Variants in DTWD2 observed in about 807,000 individuals in gnomAD.
The protein encoded by DTWD2 is DTW motif tRNA-uridine aminocarboxypropyltransferase 2.
DTWD2 carries 39 observed loss-of-function variants against 31.8 expected under a neutral mutation model. That is an observed-to-expected ratio of 1.22 (90% CI 0.95 to 1.60). The LOEUF (loss-of-function observed/expected upper bound fraction) is 1.60, where lower values mean the gene tolerates loss of function less well. DTWD2 is among the 40% of genes most tolerant of loss of function. DTWD2 has a pLI of 0.00. For synonymous variants in DTWD2, 180 were observed against 142.8 expected, an observed-to-expected ratio of 1.26 and a Z score of -1.86; for missense variants, 515 against 381.5, an observed-to-expected ratio of 1.35 and a Z score of -2.92.
intron 1 of DTWD2, among the ~76,000 whole-genome samples, chr5:118,978,964 T>A (rs1479251166): frequency 6.7e-6 from 1 of 149,660 alleles, no homozygotes; most frequent in Non-Finnish European, 1.5e-5. Flanking sequence ...CAAGATCACA[T>A]CACTGCGCTC....
chr5:118,976,454 A>G (rs1361167646), intron 1 of DTWD2, among the ~76,000 whole-genome samples: 4 of 151,848 alleles, frequency 2.6e-5, no homozygotes, highest in African/African-American at 9.7e-5. Flanking sequence ...CAGACTAATA[A>G]AGAAGAAAAA....
At chr5:118,973,566 C>G (rs140765388) in intron 1 of DTWD2, among the ~76,000 whole-genome samples, 3 of 152,150 alleles carry the variant, frequency 2.0e-5, no homozygotes, top group Non-Finnish European at 2.9e-5. Context: ...TTTATTCCCA[C>G]TGGCTGCTCT....
intron 2 of DTWD2, among the ~76,000 whole-genome samples, chr5:118,943,773 G>C (rs1754263853): frequency 6.6e-6 from 1 of 152,090 alleles, no homozygotes; most frequent in South Asian, 2.1e-4. Context: ...TCATTTGAAA[G>C]AAAGAAAAGA....
intron 4 of DTWD2, among the ~76,000 whole-genome samples, chr5:118,895,257 T>C (rs972595801): frequency 6.6e-6 from 1 of 152,148 alleles, no homozygotes; most frequent in East Asian, 1.9e-4. Context: ...CAATGCCATT[T>C]ATAATAGCTA....
intron 4 of DTWD2, among the ~76,000 whole-genome samples, chr5:118,906,436 A>G (rs892544935): frequency 3.3e-5 from 5 of 152,196 alleles, no homozygotes; most frequent in Non-Finnish European, 4.4e-5. Flanking sequence ...CCAAAAACAG[A>G]AAACAACCCA....
intron 1 of DTWD2, among the ~76,000 whole-genome samples, chr5:118,970,370 T>C (rs971405431): frequency 2.6e-5 from 4 of 152,084 alleles, no homozygotes; most frequent in Non-Finnish European, 4.4e-5. Flanking sequence ...GAGATTGCAG[T>C]GAACCAAGAT....
At chr5:118,957,230 T>C (rs1022269354) in intron 1 of DTWD2, among the ~76,000 whole-genome samples, 5 of 152,054 alleles carry the variant, frequency 3.3e-5, no homozygotes, top group Admixed American at 1.3e-4. Flanking sequence ...GTTGTGATTT[T>C]TTTTTTTCTG....
intron 4 of DTWD2, among the ~76,000 whole-genome samples, chr5:118,896,845 G>T (rs980432504): frequency 6.6e-6 from 1 of 152,168 alleles, no homozygotes; most frequent in African/African-American, 2.4e-5. Context: ...GGACCCAGCT[G>T]AGTACAACCT....
At chr5:118,916,795 CAT>C (rs1753589122) in intron 4 of DTWD2, among the ~76,000 whole-genome samples, 1 of 152,018 alleles carries the variant, frequency 6.6e-6, no homozygotes, top group African/African-American at 2.4e-5. Flanking sequence ...CAATTTTAGT[CAT>C]AGTTATTACT....
In DTWD2 at chr5:118,880,580, A is replaced by C. The variant is rs200337808; in HGVS notation, c.598-32362T>G. Among the ~76,000 whole-genome samples the C allele has an allele frequency of 3.0e-4, 46 of 152,284 alleles. 1 individual carries two copies. The East Asian group carries it at 8.7e-3, about 29-fold the overall frequency. On this transcript the variant is annotated intron_variant, in intron 4 of 5. Transcript: ENST00000510708. ...GTTGGGCTATGGCATCTCTACAAAC[A>C]CATACCACTGGAAAATATATACTAA... is the stretch of plus-strand genomic sequence containing the variant.
chr5:118,846,842 T>C lies in DTWD2; in HGVS notation c.726+1248A>G, dbSNP rs552581391. Among the ~76,000 whole-genome samples the C allele has an allele frequency of 1.4e-4, 22 of 151,784 alleles. No homozygotes were observed. The East Asian group carries it at 4.1e-3, about 28-fold the overall frequency. On this transcript the variant is annotated intron_variant, in intron 5 of 5. Coordinates refer to ENST00000510708, the MANE Select transcript of DTWD2 (RefSeq NM_173666.4). ...TGCTCATTTAAAGTAAGAATCTATG[T>C]TCCTTCATGAATTTTTTTTCAAAAG... is the stretch of plus-strand genomic sequence containing the variant.
chr5:118,937,456 T>C (rs1754069786), intron 3 of DTWD2, among the ~76,000 whole-genome samples: 1 of 152,200 alleles, frequency 6.6e-6, no homozygotes. Context: ...GCATCCATTT[T>C]AGGCCTGACG....
chr5:118,908,656 CA>C (rs771874998), intron 4 of DTWD2, among the ~76,000 whole-genome samples: 362 of 133,164 alleles, frequency 2.7e-3, no homozygotes, highest in Non-Finnish European at 2.9e-3. Flanking sequence ...CCACCACCAC[CA>C]AAAAAAAAAA....
intron 4 of DTWD2, among the ~76,000 whole-genome samples, chr5:118,901,206 A>C (rs555070220): frequency 6.4e-4 from 97 of 152,148 alleles, no homozygotes; most frequent in Non-Finnish European, 1.3e-3. Context: ...GTCACAAGAC[A>C]ATCAACACCC....
chr5:118,941,534 T>C (rs111329609), intron 2 of DTWD2, among the ~76,000 whole-genome samples: 14,254 of 152,302 alleles, frequency 0.094, 742 homozygotes, highest in Middle Eastern at 0.19. Context: ...CTGCATAGTA[T>C]TCCATGGTGT....
At chr5:118,905,507 T>C (rs544294427) in intron 4 of DTWD2, among the ~76,000 whole-genome samples, 1 of 152,262 alleles carries the variant, frequency 6.6e-6, no homozygotes, top group South Asian at 2.1e-4. Flanking sequence ...ATCATCCTGC[T>C]CTATTTTCTA....
At chr5:118,923,122 T>C (rs1753738900) in intron 4 of DTWD2, among the ~76,000 whole-genome samples, 1 of 152,042 alleles carries the variant, frequency 6.6e-6, no homozygotes, top group African/African-American at 2.4e-5. Flanking sequence ...TGAAATGAAA[T>C]TTCACCTTAC....
chr5:118,969,128 A>G (rs1325594730), intron 1 of DTWD2, among the ~76,000 whole-genome samples: 1 of 150,810 alleles, frequency 6.6e-6, no homozygotes, highest in Admixed American at 6.6e-5. Context: ...AATTTCAGCT[A>G]CACTAGCCTG....
intron 3 of DTWD2, among the ~76,000 whole-genome samples, chr5:118,930,825 G>T (rs1269317397): frequency 1.3e-5 from 2 of 152,050 alleles, no homozygotes; most frequent in African/African-American, 4.8e-5. Context: ...GAAACACAGA[G>T]TAGACTAGTG....
Sources: gnomAD v4.1 joint callset for allele counts (sites outside exome capture counted in the v4.1 genomes callset) on GRCh38, gnomAD v4.1.1 for gene constraint, MANE v1.5 for transcripts, NCBI Gene and HGNC (gene_info 2026-07-23, HGNC 2026-07-21) for gene names.